The following EYA2 variants were observed in gnomAD, a reference collection of about 807,000 sequenced individuals.
EYA2 encodes protein phosphatase EYA2.
A neutral mutation model predicts 69.2 loss-of-function variants in EYA2; 31 were observed. That is an observed-to-expected ratio of 0.45 (90% CI 0.34 to 0.60). The LOEUF (loss-of-function observed/expected upper bound fraction) is 0.60, where lower values mean the gene tolerates loss of function less well. EYA2 is among the 20% of genes least tolerant of loss of function. The pLI, the probability that EYA2 is intolerant of heterozygous loss-of-function variation, is 0.02. For missense variants in EYA2, 622 were observed against 701.2 expected (o/e 0.89, Z 1.28); for synonymous variants, 257 against 279.4 (o/e 0.92, Z 0.80).
chr20:46,988,494 G>A (rs1039344733), intron 1 of EYA2, among the ~76,000 whole-genome samples: 3 of 152,118 alleles, frequency 2.0e-5, no homozygotes, highest in Admixed American at 1.3e-4. Flanking sequence ...CGATCGCTAC[G>A]TTGTGTTTCA....
At chr20:47,056,494 G>C (rs1298481710) in intron 5 of EYA2, among the ~76,000 whole-genome samples, 2 of 151,932 alleles carry the variant, frequency 1.3e-5, no homozygotes, top group Admixed American at 1.3e-4. Flanking sequence ...TATCACCGTA[G>C]CTCCCGTTTG....
intron 5 of EYA2, among the ~76,000 whole-genome samples, chr20:47,026,511 A>G (rs1984093916): frequency 6.6e-6 from 1 of 152,168 alleles, no homozygotes; most frequent in African/African-American, 2.4e-5. Flanking sequence ...ACAAGCAAAC[A>G]AACAAAAAAA....
chr20:46,918,618 C>T lies in EYA2; in HGVS notation c.-11+23631C>T, dbSNP rs79588310. Among the ~76,000 whole-genome samples, 367 of 152,268 alleles carry T rather than the reference C, an allele frequency of 2.4e-3. 2 individuals are homozygous for T. The highest frequency in any genetic ancestry group is 8.3e-3 in the African/African-American group (343 of 41,570). ...ACCAGCACCTGGCCTATTTCCACCA[C>T]ATCCGCAGTGACTTCCTCCACTGAA... On this transcript the variant is annotated intron_variant, in intron 1 of 15. Transcript: ENST00000327619.
At position 47,143,148 on chromosome 20, in the gene EYA2, G is replaced by C; in HGVS notation, c.978G>C (p.Glu326Asp). ...CACATCTGTTCTTCAATGACCTGGA[G>C]GTTTGTGGTTGCTGATTTCATTTAA... ...ADTHLFFNDLEDCDQIHVDDV... is the reference protein window; with the variant it reads ...ADTHLFFNDLDDCDQIHVDDV... Residue 326 changes from glutamate to aspartate, a missense_variant and splice_region_variant, in exon 10 of 16, where the codon GAG becomes GAC. Transcript: ENST00000327619. The C allele has an allele frequency of 6.2e-7, 1 of 1,609,838 alleles. No homozygotes were observed. Among genetic ancestry groups the C allele is most frequent in the Non-Finnish European group, 8.5e-7 (1 of 1,178,088 alleles).
At chr20:46,965,656 T>G (rs4810580) in intron 1 of EYA2, among the ~76,000 whole-genome samples, 39,894 of 152,236 alleles carry the variant, frequency 0.26, 5,710 homozygotes, top group Admixed American at 0.42. Flanking sequence ...CCCACCTGGT[T>G]GGTTCAGGCC....
intron 1 of EYA2, among the ~76,000 whole-genome samples, chr20:46,983,023 T>C (rs1200400216): frequency 6.6e-6 from 1 of 152,188 alleles, no homozygotes. Flanking sequence ...TCCACCTGCC[T>C]TGGACTCCCA....
At chr20:46,914,974 C>T (rs1391461860) in intron 1 of EYA2, among the ~76,000 whole-genome samples, 3 of 152,278 alleles carry the variant, frequency 2.0e-5, no homozygotes, top group African/African-American at 2.4e-5. Context: ...CGTGGGACAT[C>T]GTGCTTGAGA....
intron 7 of EYA2, among the ~76,000 whole-genome samples, chr20:47,076,049 G>A (rs963961548): frequency 6.6e-6 from 1 of 152,184 alleles, no homozygotes; most frequent in African/African-American, 2.4e-5. Flanking sequence ...TTTTATGGCT[G>A]CGTAGTATTC....
intron 1 of EYA2, among the ~76,000 whole-genome samples, chr20:46,947,933 A>C (rs1299644740): frequency 1.3e-5 from 2 of 152,114 alleles, no homozygotes; most frequent in African/African-American, 2.4e-5. Flanking sequence ...CTTAGGCAAC[A>C]TAGTGAGACC....
chr20:47,093,945 C>T (rs1177231581), intron 8 of EYA2, among the ~76,000 whole-genome samples: 1 of 152,208 alleles, frequency 6.6e-6, no homozygotes, highest in Non-Finnish European at 1.5e-5. Context: ...CATGGCTAAA[C>T]TTGGCCACCA....
At chr20:47,053,362 A>T (rs539479157) in intron 5 of EYA2, among the ~76,000 whole-genome samples, 1 of 152,284 alleles carries the variant, frequency 6.6e-6, no homozygotes, top group African/African-American at 2.4e-5. Flanking sequence ...TCTCTACTTC[A>T]TTCATAAAAA....
intron 5 of EYA2, among the ~76,000 whole-genome samples, chr20:47,048,219 T>C (rs73123747): frequency 0.077 from 11,744 of 152,236 alleles, 617 homozygotes; most frequent in South Asian, 0.11. Flanking sequence ...CCAAGGATGA[T>C]GGCATTTTTC....
intron 1 of EYA2, among the ~76,000 whole-genome samples, chr20:46,944,156 G>A (rs1978330597): frequency 1.3e-5 from 2 of 152,196 alleles, no homozygotes; most frequent in South Asian, 4.1e-4. Context: ...GGAGCCAGGT[G>A]AGGGCCTGGC....
intron 14 of EYA2, among the ~76,000 whole-genome samples, chr20:47,181,474 C>T (rs2034536665): frequency 6.6e-6 from 1 of 152,220 alleles, no homozygotes; most frequent in African/African-American, 2.4e-5. Context: ...TTAGCCCCAG[C>T]TTAGTCACGT....
At chr20:47,144,823 C>A (rs2033668504) in intron 10 of EYA2, among the ~76,000 whole-genome samples, 1 of 152,202 alleles carries the variant, frequency 6.6e-6, no homozygotes, top group Non-Finnish European at 1.5e-5. Context: ...TATTCAAAAG[C>A]AAAGTTCAGG....
intron 1 of EYA2, among the ~76,000 whole-genome samples, chr20:46,948,956 A>G (rs1490295774): frequency 1.3e-5 from 2 of 152,232 alleles, no homozygotes; most frequent in Non-Finnish European, 2.9e-5. Flanking sequence ...TACATGCACT[A>G]TCTCATTTAA....
At chr20:46,963,707 T>C (rs1351651296) in intron 1 of EYA2, among the ~76,000 whole-genome samples, 1 of 152,186 alleles carries the variant, frequency 6.6e-6, no homozygotes, top group Non-Finnish European at 1.5e-5. Flanking sequence ...GGTTCTGATG[T>C]GCAAAGAACA....
chr20:46,956,764 G>A (rs1206761), intron 1 of EYA2, among the ~76,000 whole-genome samples: 145,125 of 152,312 alleles, frequency 0.95, 69,514 homozygotes, highest in Middle Eastern at 0.99. Flanking sequence ...CTGTTCTCAC[G>A]CTGCTAATAA....
At chr20:47,013,347 G>A (rs1052824714) in intron 4 of EYA2, among the ~76,000 whole-genome samples, 2 of 152,204 alleles carry the variant, frequency 1.3e-5, no homozygotes, top group Non-Finnish European at 2.9e-5. Context: ...GAAGAGGGAG[G>A]TGTGGATTCC....
Sources: allele counts gnomAD v4.1 joint callset (sites outside exome capture counted in the v4.1 genomes callset), GRCh38; gene constraint gnomAD v4.1.1; transcripts MANE v1.5; gene names NCBI Gene and HGNC (gene_info 2026-07-23, HGNC 2026-07-21).